Variants in PIAS2 observed in about 807,000 individuals in gnomAD.
PIAS2 encodes protein inhibitor of activated STAT 2.
In PIAS2, 19 loss-of-function variants were observed where a neutral mutation model predicts 69.7. That is an observed-to-expected ratio of 0.27 (90% CI 0.19 to 0.40). PIAS2 has a LOEUF of 0.40. Ranked by LOEUF, PIAS2 falls within the 10% of genes least tolerant of loss-of-function variation. The pLI is 1.00. For synonymous variants in PIAS2, 261 were observed against 263.2 expected (o/e 0.99, Z 0.08); for missense variants, 624 against 757.0 (o/e 0.82, Z 2.06).
At chr18:46,864,108 C>G (rs1036857404) in intron 3 of PIAS2, 56 bp downstream of exon 3, 1 of 1,016,386 alleles carries the variant, frequency 9.8e-7, no homozygotes, top group African/African-American at 1.6e-5. Flanking sequence ...TTATGGCAGC[C>G]CTACAGGTGA....
chr18:46,846,640 G>GA, intron 6 of PIAS2, 67 bp downstream of exon 6: 4 of 1,449,844 alleles, frequency 2.8e-6, no homozygotes, highest in South Asian at 1.6e-5. Flanking sequence ...AACAGCTTAA[G>GA]AAAAAACACA....
chr18:46,872,588 C>T (rs2050534214), intron 2 of PIAS2, among the ~76,000 whole-genome samples: 1 of 152,142 alleles, frequency 6.6e-6, no homozygotes, highest in African/African-American at 2.4e-5. Context: ...TAACCATTTA[C>T]AAGAGAAGGG....
intron 1 of PIAS2, among the ~76,000 whole-genome samples, chr18:46,910,695 C>T (rs1338372428): frequency 2.0e-5 from 3 of 152,118 alleles, no homozygotes; most frequent in African/African-American, 7.2e-5. Context: ...AAACAAATCC[C>T]GTAGATCGTA....
chr18:46,918,464 G>GT (rs1047725473), upstream of PIAS2, among the ~76,000 whole-genome samples: 2 of 152,046 alleles, frequency 1.3e-5, no homozygotes, highest in African/African-American at 4.8e-5. Context: ...CGCAAGTTTT[G>GT]TTTTTTTGAG....
chr18:46,914,820 C>T (rs1010538852), intron 1 of PIAS2, among the ~76,000 whole-genome samples: 19 of 152,048 alleles, frequency 1.2e-4, no homozygotes, highest in Admixed American at 1.2e-3. Flanking sequence ...AAGAAGTTAG[C>T]CAACAAACTA....
At chr18:46,854,386 C>T (rs2047425901) in intron 5 of PIAS2, among the ~76,000 whole-genome samples, 1 of 152,190 alleles carries the variant, frequency 6.6e-6, no homozygotes, top group Admixed American at 6.5e-5. Flanking sequence ...TGGGCCTAGT[C>T]AGGGAGTCAC....
At chr18:46,839,111 T>C (rs985166870) in intron 8 of PIAS2, among the ~76,000 whole-genome samples, 6 of 152,340 alleles carry the variant, frequency 3.9e-5, no homozygotes, top group African/African-American at 1.4e-4. Context: ...TGGCTGGTTA[T>C]TTAGAAATTT....
At position 46,855,394 on chromosome 18, in the gene PIAS2, T is replaced by G; in HGVS notation, c.677A>C (p.Tyr226Ser). The G allele has an allele frequency of 6.2e-7, 1 of 1,613,078 alleles. No homozygotes were observed. The highest frequency in any genetic ancestry group is 1.1e-5 in the South Asian group (1 of 90,868). ...AETSCPQEDN[Y>S]PNSLCIKVNG... is the part of the protein sequence containing the mutation. ...TACTTTTATACATAGACTATTTGGA[T>G]AGTTATCTTCTTGAGGGCAACTTGT... Residue 226 changes from tyrosine to serine, a missense_variant, in exon 5 of 14, where the codon TAT (tyrosine) becomes TCT (serine). Transcript: ENST00000585916.
At chr18:46,907,358 TA>T (rs1202383544) in intron 1 of PIAS2, 1 of 152,090 alleles carries the variant, frequency 6.6e-6, no homozygotes, top group Non-Finnish European at 1.5e-5. Context: ...AGATGCAAAT[TA>T]AAACCACTAC....
intron 8 of PIAS2, among the ~76,000 whole-genome samples, chr18:46,838,067 A>C (rs2145128025): frequency 6.6e-6 from 1 of 152,348 alleles, no homozygotes; most frequent in East Asian, 1.9e-4. Flanking sequence ...AAATTAAAAC[A>C]TTCTTAGCTC....
At chr18:46,869,207 A>G (rs1395930311) in intron 2 of PIAS2, among the ~76,000 whole-genome samples, 1 of 152,216 alleles carries the variant, frequency 6.6e-6, no homozygotes, top group Non-Finnish European at 1.5e-5. Context: ...CCGTGAGGGA[A>G]GCAGCCAGAG....
intron 1 of PIAS2, among the ~76,000 whole-genome samples, chr18:46,897,811 T>C (rs1374690117): frequency 6.6e-6 from 1 of 151,888 alleles, no homozygotes. Flanking sequence ...CTAAAATGTA[T>C]ACTATGTTCT....
chr18:46,885,743 A>G (rs2053072567), intron 2 of PIAS2, among the ~76,000 whole-genome samples: 1 of 152,074 alleles, frequency 6.6e-6, no homozygotes. Flanking sequence ...GTTCAAGGGT[A>G]GAAAGTGTAT....
intron 2 of PIAS2, among the ~76,000 whole-genome samples, chr18:46,877,896 C>T (rs2051508228): frequency 6.6e-6 from 1 of 152,170 alleles, no homozygotes; most frequent in Non-Finnish European, 1.5e-5. Flanking sequence ...ACCTGCTTTA[C>T]ACCACTATGT....
intron 5 of PIAS2, among the ~76,000 whole-genome samples, chr18:46,854,550 C>T (rs1336256606): frequency 2.6e-5 from 4 of 152,142 alleles, no homozygotes; most frequent in Admixed American, 6.5e-5. Flanking sequence ...GAAACCAATA[C>T]ATAGTCCAGT....
At chr18:46,910,159 A>AAAAT (rs891806142) in intron 1 of PIAS2, among the ~76,000 whole-genome samples, 15 of 152,208 alleles carry the variant, frequency 9.9e-5, no homozygotes, top group South Asian at 8.3e-4. Context: ...TCCGTCTCAA[A>AAAAT]AAATAAATAA....
At chr18:46,871,678 T>G (rs1161305129) in intron 2 of PIAS2, among the ~76,000 whole-genome samples, 1 of 152,178 alleles carries the variant, frequency 6.6e-6, no homozygotes, top group Non-Finnish European at 1.5e-5. Context: ...TTGTTTCCCT[T>G]TACCTAATGT....
upstream of PIAS2, among the ~76,000 whole-genome samples, chr18:46,919,190 A>G (rs1025332230): frequency 1.3e-5 from 2 of 151,698 alleles, no homozygotes; most frequent in Non-Finnish European, 2.9e-5. Context: ...GTCTCTACTA[A>G]AAATACAAAA....
Position 46,812,407 on chromosome 18 carries a change from A to G in PIAS2, c.*26T>C, listed in dbSNP as rs1190229083. The G allele has an allele frequency of 6.7e-7, 1 of 1,485,828 alleles. No individual in the cohort carries two copies. Among genetic ancestry groups the G allele is most frequent in the African/African-American group, 1.4e-5 (1 of 72,592 alleles). The allele number at this position is 1,485,828 out of a possible 1,614,324, so 92.0% of individuals were successfully genotyped here. A position where few individuals can be genotyped will look rare whatever the true frequency, so the allele number is the denominator to read the frequency against. Reference sequence around the variant, plus strand: ...CAAGAAAAAGCAGTTCTGATGAATGATTCCCAGAATCAAGTGAGTCCTCCT... The same window carrying G: ...CAAGAAAAAGCAGTTCTGATGAATGGTTCCCAGAATCAAGTGAGTCCTCCT... On this transcript the variant is annotated 3_prime_UTR_variant, in exon 14 of 14. Transcript: ENST00000585916.
Sources: allele counts gnomAD v4.1 joint callset (sites outside exome capture counted in the v4.1 genomes callset), GRCh38; gene constraint gnomAD v4.1.1; transcripts MANE v1.5; gene names NCBI Gene and HGNC (gene_info 2026-07-23, HGNC 2026-07-21).